Variants in CTTNBP2NL observed in about 807,000 individuals in gnomAD.
CTTNBP2NL encodes CTTNBP2 N-terminal-like protein.
A neutral mutation model predicts 32.5 loss-of-function variants in CTTNBP2NL; 16 were observed. That is an observed-to-expected ratio of 0.49 (90% confidence interval 0.33 to 0.75). The LOEUF (loss-of-function observed/expected upper bound fraction) is 0.75, where lower values mean the gene tolerates loss of function less well. CTTNBP2NL is among the 30% of genes least tolerant of loss of function. The probability of loss-of-function intolerance (pLI) is 0.02; values close to 1 mark genes in which losing one functional copy is unlikely to be tolerated. For missense variants in CTTNBP2NL, 645 were observed against 756.0 expected (o/e 0.85, Z 1.72); for synonymous variants, 298 against 289.4 (o/e 1.03, Z -0.30).
At position 112,457,645 on chromosome 1, in the gene CTTNBP2NL, G is replaced by C. The variant is rs2101037946; in HGVS notation, c.*233G>C. On this transcript the variant is annotated 3_prime_UTR_variant, in exon 6 of 6. Coordinates refer to ENST00000271277, the MANE Select transcript of CTTNBP2NL (RefSeq NM_018704.3). Reference sequence around the variant, plus strand: ...GAAAGGCACCTCAAAGATGTCTCAAGCTCAGCAGTCACCGTCATGTTGTGA... The same window carrying C: ...GAAAGGCACCTCAAAGATGTCTCAACCTCAGCAGTCACCGTCATGTTGTGA... The C allele has an allele frequency of 2.2e-6, 1 of 459,654 alleles. No individual in the cohort carries two copies. The highest frequency in any genetic ancestry group is 3.9e-5 in the Admixed American group (1 of 25,800). The allele number at this position is 459,654 out of a possible 1,614,324, so 28.5% of individuals were successfully genotyped here.
rs547274472 is a variant in CTTNBP2NL at position 112,459,620 on chromosome 1, G to T, written c.*2208G>T. 1 of 152,308 alleles carries T rather than the reference G, an allele frequency of 6.6e-6. No homozygotes were observed. Among genetic ancestry groups the T allele is most frequent in the East Asian group, 1.9e-4 (1 of 5,192 alleles). 9.4% of individuals were successfully genotyped at this position (152,308 alleles called of 1,614,324 possible). On this transcript the variant is annotated 3_prime_UTR_variant, in exon 6 of 6. Coordinates refer to ENST00000271277, the MANE Select transcript of CTTNBP2NL (RefSeq NM_018704.3). ...GGTGTCTATCAAAATGATGTAGGGG[G>T]TATCTTAAACTGTCCAAGGCAATCA...
chr1:112,397,583 G>GC (rs1167691408), intron 1 of CTTNBP2NL, among the ~76,000 whole-genome samples: 1 of 152,186 alleles, frequency 6.6e-6, no homozygotes, highest in Non-Finnish European at 1.5e-5. Context: ...ACCAAAAAGT[G>GC]CCTCTTCTAG....
intron 1 of CTTNBP2NL, among the ~76,000 whole-genome samples, chr1:112,409,889 A>G (rs867897650): frequency 2.8e-4 from 42 of 152,336 alleles, no homozygotes; most frequent in Admixed American, 4.6e-4. Context: ...AGGCAAAATC[A>G]GTACTACAGT....
At chr1:112,415,462 A>G (rs888591266) in intron 2 of CTTNBP2NL, among the ~76,000 whole-genome samples, 1 of 152,166 alleles carries the variant, frequency 6.6e-6, no homozygotes, top group African/African-American at 2.4e-5. Context: ...AAAACTGGGA[A>G]ATCTTTTGAT....
chr1:112,440,674 T>G (rs1255087068), intron 3 of CTTNBP2NL, among the ~76,000 whole-genome samples: 1 of 152,240 alleles, frequency 6.6e-6, no homozygotes, highest in African/African-American at 2.4e-5. Context: ...GATGTATTTC[T>G]GTATTACTCA....
intron 3 of CTTNBP2NL, among the ~76,000 whole-genome samples, chr1:112,441,360 G>T (rs571554611): frequency 2.4e-4 from 36 of 152,230 alleles, no homozygotes; most frequent in African/African-American, 5.1e-4. Context: ...AGGTTCATCA[G>T]TGTCACTGTA....
intron 4 of CTTNBP2NL, among the ~76,000 whole-genome samples, chr1:112,453,271 G>A (rs1157849075): frequency 1.3e-5 from 2 of 151,980 alleles, no homozygotes; most frequent in African/African-American, 4.8e-5. Flanking sequence ...CAGGTTTCAT[G>A]TCCCAGAAAA....
intron 3 of CTTNBP2NL, among the ~76,000 whole-genome samples, chr1:112,440,343 A>G (rs1420450854): frequency 6.6e-6 from 1 of 152,216 alleles, no homozygotes; most frequent in Non-Finnish European, 1.5e-5. Flanking sequence ...AATAATACCG[A>G]TTACTTATCA....
At chr1:112,413,277 A>G (rs1197364163) in intron 2 of CTTNBP2NL, among the ~76,000 whole-genome samples, 1 of 152,240 alleles carries the variant, frequency 6.6e-6, no homozygotes, top group Non-Finnish European at 1.5e-5. Flanking sequence ...AACTAGAACC[A>G]AGAAGGACTT....
At chr1:112,397,851 G>C (rs1006398289) in intron 1 of CTTNBP2NL, among the ~76,000 whole-genome samples, 1 of 152,156 alleles carries the variant, frequency 6.6e-6, no homozygotes, top group African/African-American at 2.4e-5. Flanking sequence ...AATGACTGTT[G>C]TCTTTTACCT....
intron 3 of CTTNBP2NL, among the ~76,000 whole-genome samples, chr1:112,448,156 C>G (rs1650110729): frequency 6.6e-6 from 1 of 152,164 alleles, no homozygotes; most frequent in Non-Finnish European, 1.5e-5. Flanking sequence ...ATGCTCATCC[C>G]CAAGGCTCAT....
rs552996822 is a variant in CTTNBP2NL, at chr1:112,430,546, CTTTTTTTTTTTTTT to C, written c.99+14293_99+14306del. 4.0e-3 allele frequency among the ~76,000 whole-genome samples: 318 copies of C among 80,506 alleles called. 2 individuals carry two copies. Among genetic ancestry groups the C allele is most frequent in the African/African-American group, 0.018 (295 of 16,856 alleles). 52.8% of individuals were successfully genotyped at this position (80,506 alleles called of 152,430 possible). ...AGCCACCGCACCAGGCCATAGCTAG[CTTTTTTTTTTTTTT>C]TTTTTTTTTTGAGACAGAGTCTGAC... On this transcript the variant is annotated intron_variant, in intron 3 of 5. Coordinates refer to ENST00000271277, the MANE Select transcript of CTTNBP2NL (RefSeq NM_018704.3).
chr1:112,436,099 CTTGTTTGT>C (rs550920247), intron 3 of CTTNBP2NL, among the ~76,000 whole-genome samples: 4 of 117,776 alleles, frequency 3.4e-5, no homozygotes, highest in Non-Finnish European at 5.3e-5. Flanking sequence ...TTTATTGTTG[CTTGTTTGT>C]TTGTTTGTTT....
chr1:112,398,618 C>G (rs574606227), intron 1 of CTTNBP2NL, among the ~76,000 whole-genome samples: 5 of 152,078 alleles, frequency 3.3e-5, no homozygotes, highest in African/African-American at 1.2e-4. Context: ...ATTCCAGTGT[C>G]TTAAGTGACT....
upstream of CTTNBP2NL, among the ~76,000 whole-genome samples, chr1:112,395,447 T>C (rs959588994): frequency 3.9e-5 from 6 of 152,158 alleles, no homozygotes; most frequent in African/African-American, 1.4e-4. Flanking sequence ...GCATCCTCTG[T>C]ACTCTCCATT....
chr1:112,417,600 G>C (rs949679604), intron 3 of CTTNBP2NL, among the ~76,000 whole-genome samples: 4 of 152,164 alleles, frequency 2.6e-5, no homozygotes, highest in African/African-American at 9.7e-5. Context: ...TCAGAATCAG[G>C]CACAAGTGTT....
intron 3 of CTTNBP2NL, among the ~76,000 whole-genome samples, chr1:112,420,390 A>C (rs1247848995): frequency 6.6e-6 from 1 of 151,076 alleles, no homozygotes; most frequent in Non-Finnish European, 1.5e-5. Flanking sequence ...TGATCTACCC[A>C]CCTCAGCCTC....
rs115274334 is a variant in CTTNBP2NL at position 112,403,516 on chromosome 1, T to C, written c.-134+7244T>C. Among the ~76,000 whole-genome samples the C allele has an allele frequency of 8.4e-3, 1,284 of 152,322 alleles. 19 individuals carry two copies. Among genetic ancestry groups the C allele is most frequent in the African/African-American group, 0.029 (1,209 of 41,574 alleles). On this transcript the variant is annotated intron_variant, in intron 1 of 5. Transcript: ENST00000271277. ...GAAGACAGATATGTAAACAGATGAA[T>C]TGATGTAATAGAATGTGATAACTGC...
At chr1:112,399,161 T>G (rs1301323258) in intron 1 of CTTNBP2NL, among the ~76,000 whole-genome samples, 1 of 151,582 alleles carries the variant, frequency 6.6e-6, no homozygotes, top group African/African-American at 2.4e-5. Context: ...TTATCAAAAA[T>G]GTAAAAAATT....
Sources: gnomAD v4.1 joint callset for allele counts (sites outside exome capture counted in the v4.1 genomes callset) on GRCh38, gnomAD v4.1.1 for gene constraint, MANE v1.5 for transcripts, NCBI Gene and HGNC (gene_info 2026-07-23, HGNC 2026-07-21) for gene names.